Variants in PDE4D observed in about 807,000 individuals in gnomAD.
PDE4D encodes the protein 3',5'-cyclic-AMP phosphodiesterase 4D.
A neutral mutation model predicts 87.4 loss-of-function variants in PDE4D; 24 were observed. That is an observed-to-expected ratio of 0.27 (90% CI 0.20 to 0.39). The LOEUF (loss-of-function observed/expected upper bound fraction) is 0.39. Among genes scored for constraint, PDE4D ranks in the 10% least tolerant of loss-of-function variants. The pLI, the probability that PDE4D is intolerant of heterozygous loss-of-function variation, is 1.00. For missense variants in PDE4D, 714 were observed against 1,041.0 expected (o/e 0.69, Z 4.32); for synonymous variants, 384 against 383.2 (o/e 1.00, Z -0.02).
chr5:59,262,438 CTT>C (rs1762169979), intron 1 of PDE4D, among the ~76,000 whole-genome samples: 1 of 151,686 alleles, frequency 6.6e-6, no homozygotes, highest in South Asian at 2.1e-4. Flanking sequence ...CCTTAATTTC[CTT>C]CTTTTTTTTT....
intron 2 of PDE4D, among the ~76,000 whole-genome samples, chr5:60,136,644 C>T (rs1271361239): frequency 6.6e-6 from 1 of 152,044 alleles, no homozygotes; most frequent in Non-Finnish European, 1.5e-5. Flanking sequence ...TATATCTGCT[C>T]GATTCAGTCT....
intron 1 of PDE4D, among the ~76,000 whole-genome samples, chr5:60,315,791 G>A (rs112564012): frequency 0.055 from 8,318 of 150,790 alleles, 794 homozygotes; most frequent in African/African-American, 0.2. Context: ...AAGATCAGAT[G>A]GTTGTAGATA....
intron 5 of PDE4D, among the ~76,000 whole-genome samples, chr5:59,070,813 A>T (rs1408282588): frequency 6.6e-6 from 1 of 152,118 alleles, no homozygotes; most frequent in African/African-American, 2.4e-5. Context: ...CACATCAAGA[A>T]TTTTATTAAA....
At position 59,247,365 on chromosome 5, in the gene PDE4D, A is replaced by G. The variant is rs1477425952; in HGVS notation, c.456-31397T>C. Among the ~76,000 whole-genome samples the G allele has an allele frequency of 4.6e-5, 7 of 152,268 alleles. No individual in the cohort carries two copies. In the East Asian group the frequency reaches 1.2e-3, roughly 25 times the overall value. On this transcript the variant is annotated intron_variant, in intron 1 of 14. Transcript: ENST00000340635. ...TGTGGGCACCATTTAATGCATAGGA[A>G]GCCTGCATTTATTGAGTAAAATTTA...
chr5:59,085,373 A>C (rs1767480094), intron 5 of PDE4D, among the ~76,000 whole-genome samples: 1 of 152,152 alleles, frequency 6.6e-6, no homozygotes, highest in Non-Finnish European at 1.5e-5. Context: ...ACACTCTCAC[A>C]CACAGAGACA....
At chr5:59,556,850 AAAGGATGG>A (rs200024522) in intron 1 of PDE4D, among the ~76,000 whole-genome samples, 1,567 of 152,280 alleles carry the variant, frequency 0.01, 17 homozygotes, top group African/African-American at 0.035. Flanking sequence ...ATGAATAAAG[AAAGGATGG>A]AAGGATGGAA....
chr5:60,414,184 C>T (rs1384311036), intron 1 of PDE4D, among the ~76,000 whole-genome samples: 1 of 152,134 alleles, frequency 6.6e-6, no homozygotes. Context: ...ACTAGCAGTC[C>T]TTGGTTTTGT....
rs115994558 is a variant in PDE4D, at chr5:59,024,985, T to C, written c.921+13874A>G. On this transcript the variant is annotated intron_variant, in intron 6 of 14. Transcript: ENST00000340635. ...AAGGGAGGGGACTAGTCAACAAATA[T>C]TGATTACCTAATTTATGAACAGCTC... is the stretch of plus-strand genomic sequence containing the variant. Among the ~76,000 whole-genome samples the C allele has an allele frequency of 8.1e-4, 123 of 152,178 alleles. 1 individual carries two copies. Among genetic ancestry groups the C allele is most frequent in the African/African-American group, 2.8e-3 (118 of 41,536 alleles).
At chr5:59,530,574 T>C (rs1354430082) in intron 1 of PDE4D, among the ~76,000 whole-genome samples, 1 of 151,986 alleles carries the variant, frequency 6.6e-6, no homozygotes, top group Non-Finnish European at 1.5e-5. Context: ...ACAAGAAAAG[T>C]CTGTACATGT....
At chr5:60,406,882 T>C (rs1029323467) in intron 1 of PDE4D, among the ~76,000 whole-genome samples, 1 of 151,868 alleles carries the variant, frequency 6.6e-6, no homozygotes, top group African/African-American at 2.4e-5. Flanking sequence ...GCAGTAAAAA[T>C]GAGTGTGGGG....
At chr5:59,114,899 G>C (rs79478906) in intron 5 of PDE4D, among the ~76,000 whole-genome samples, 1,543 of 146,384 alleles carry the variant, frequency 0.011, 22 homozygotes, top group South Asian at 0.014. Flanking sequence ...AAAAGAAAAA[G>C]AAAATGATAA....
At chr5:59,139,914 T>C (rs956596059) in intron 5 of PDE4D, among the ~76,000 whole-genome samples, 1 of 152,202 alleles carries the variant, frequency 6.6e-6, no homozygotes, top group African/African-American at 2.4e-5. Flanking sequence ...CTTCAATGTC[T>C]ACCATCACAT....
chr5:59,316,404 TG>T (rs1353776479), intron 1 of PDE4D, among the ~76,000 whole-genome samples: 2 of 152,186 alleles, frequency 1.3e-5, no homozygotes, highest in African/African-American at 2.4e-5. Context: ...CTGAAACAGT[TG>T]ATAATCATGT....
At chr5:59,581,096 C>G (rs771347008) in intron 1 of PDE4D, among the ~76,000 whole-genome samples, 1 of 152,030 alleles carries the variant, frequency 6.6e-6, no homozygotes. Context: ...GCAGTTGCAG[C>G]AGTTATGGCT....
In PDE4D at chr5:59,286,086, C is replaced by T. The variant is rs1368328470; in HGVS notation, c.456-70118G>A. ...TATCAACCACATGAAGACTGTATAT[C>T]CATGTACTGGATGAGAGGACCGAAG... On this transcript the variant is annotated intron_variant, in intron 1 of 14. Coordinates refer to ENST00000340635, the MANE Select transcript of PDE4D (RefSeq NM_001104631.2). Among the ~76,000 whole-genome samples, 4 of 152,278 alleles carry T rather than the reference C, an allele frequency of 2.6e-5. No individual in the cohort carries two copies. In the East Asian group the frequency reaches 7.7e-4, roughly 29 times the overall value.
chr5:60,519,604 G>A (rs553945171), intron 1 of PDE4D, among the ~76,000 whole-genome samples: 78 of 151,832 alleles, frequency 5.1e-4, no homozygotes, highest in African/African-American at 1.8e-3. Context: ...GTCCTGTTTG[G>A]AAAAAAAAGA....
chr5:59,708,121 T>C (rs1753712141), intron 1 of PDE4D, among the ~76,000 whole-genome samples: 1 of 152,166 alleles, frequency 6.6e-6, no homozygotes, highest in East Asian at 1.9e-4. Context: ...CCAGCATCTG[T>C]TGTTTCTTGA....
At chr5:59,034,745 T>C (rs796564543) in intron 6 of PDE4D, among the ~76,000 whole-genome samples, 3 of 152,320 alleles carry the variant, frequency 2.0e-5, no homozygotes, top group African/African-American at 7.2e-5. Flanking sequence ...GGCCTAAGTA[T>C]ATTTGGAATG....
intron 1 of PDE4D, among the ~76,000 whole-genome samples, chr5:59,405,165 T>G (rs1439980337): frequency 6.6e-6 from 1 of 152,216 alleles, no homozygotes; most frequent in African/African-American, 2.4e-5. Flanking sequence ...GAAGATTGCT[T>G]TGGGTACTAT....
Sources: allele counts gnomAD v4.1 joint callset (sites outside exome capture counted in the v4.1 genomes callset), GRCh38; gene constraint gnomAD v4.1.1; transcripts MANE v1.5; gene names NCBI Gene and HGNC (gene_info 2026-07-23, HGNC 2026-07-21).